The following ABCB10 variants were observed in gnomAD, a reference collection of about 807,000 sequenced individuals.
ABCB10 encodes the protein ATP binding cassette subfamily B member 10.
Under a neutral mutation model 65.4 loss-of-function variants are expected in ABCB10, and 54 were observed. That is an observed-to-expected ratio of 0.83 (90% CI 0.66 to 1.04). The LOEUF (loss-of-function observed/expected upper bound fraction) is 1.04. Among genes scored for constraint, ABCB10 ranks in the 50% least tolerant of loss-of-function variants. ABCB10 has a pLI of 0.00. For synonymous variants in ABCB10, 418 were observed against 406.5 expected (o/e 1.03, Z -0.34); for missense variants, 846 against 976.6 (o/e 0.87, Z 1.78).
At chr1:229,552,522 T>C (rs975987839) in intron 1 of ABCB10, among the ~76,000 whole-genome samples, 2 of 152,128 alleles carry the variant, frequency 1.3e-5, no homozygotes, top group Non-Finnish European at 2.9e-5. Flanking sequence ...GAAACAAATA[T>C]CCTTCAAAAG....
At chr1:229,544,174 G>A (rs999952446) in intron 3 of ABCB10, among the ~76,000 whole-genome samples, 1 of 152,206 alleles carries the variant, frequency 6.6e-6, no homozygotes, top group Non-Finnish European at 1.5e-5. Flanking sequence ...AGCATTTCGG[G>A]AGGCTGAGGC....
rs60323914 is a variant in ABCB10 at position 229,550,525 on chromosome 1, C to CAAAAAAAAAAAAAA, written c.518-1105_518-1092dup. On this transcript the variant is annotated intron_variant, in intron 1 of 12. Transcript: ENST00000344517. ...GGGTGACACAGCAATATGCTGTCTC[C>CAAAAAAAAAAAAAA]AAAAAAAAAAAAAAAAAAAAAAATT... Among the ~76,000 whole-genome samples, 164 of 63,492 alleles carry CAAAAAAAAAAAAAA rather than the reference C, an allele frequency of 2.6e-3. 6 individuals carry two copies. The highest frequency in any genetic ancestry group is 0.011 in the African/African-American group (153 of 13,400). 41.7% of individuals were successfully genotyped at this position (63,492 alleles called of 152,430 possible).
chr1:229,551,896 G>A (rs1663126169), intron 1 of ABCB10, among the ~76,000 whole-genome samples: 3 of 152,110 alleles, frequency 2.0e-5, no homozygotes, highest in African/African-American at 4.8e-5. Flanking sequence ...GAATAATTCC[G>A]AAAGCACAGT....
chr1:229,533,691 T>C (rs767299422), intron 6 of ABCB10, among the ~76,000 whole-genome samples: 38 of 152,300 alleles, frequency 2.5e-4, no homozygotes, highest in South Asian at 2.1e-4. Context: ...AATATACATA[T>C]TATCTTTTTA....
At chr1:229,542,188 C>T in intron 4 of ABCB10, 49 bp downstream of exon 4, 1 of 1,600,892 alleles carries the variant, frequency 6.2e-7, no homozygotes, top group Non-Finnish European at 8.5e-7. Context: ...AGGATCCTGG[C>T]TATGACCCCA....
At chr1:229,554,789 C>G (rs1028872465) in intron 1 of ABCB10, among the ~76,000 whole-genome samples, 3 of 152,224 alleles carry the variant, frequency 2.0e-5, no homozygotes, top group Non-Finnish European at 4.4e-5. Flanking sequence ...CCAGCCCCCA[C>G]AGGGCACTGT....
chr1:229,524,674 A>T (rs1453665929), intron 10 of ABCB10, among the ~76,000 whole-genome samples: 1 of 152,224 alleles, frequency 6.6e-6, no homozygotes, highest in Non-Finnish European at 1.5e-5. Flanking sequence ...GGAATCGCTC[A>T]CTTTGCCTCA....
Position 229,518,184 on chromosome 1 carries a change from C to T in ABCB10, c.2212G>A (p.Ala738Thr). The change falls in exon 13 of 13, where the codon GCA (alanine) becomes ACA (threonine). Residue 738 changes from alanine (A) to threonine (T), a missense_variant. By Grantham distance (58) the Ala-to-Thr change is moderately conservative (BLOSUM62 0). Coordinates refer to ENST00000344517, the MANE Select transcript of ABCB10 (RefSeq NM_012089.3). The stretch of plus-strand genomic sequence containing the variant: ...GTTTACCAGTAATTGCTTCCTTATG[C>T]TGAAATAAAACTTTGTTTGTTCATT... ...KLMNKQSFISA is the reference protein window; with the variant it reads ...KLMNKQSFIST The T allele has an allele frequency of 6.2e-7, 1 of 1,612,738 alleles. No homozygotes were observed. The highest frequency in any genetic ancestry group is 8.5e-7 in the Non-Finnish European group (1 of 1,178,822).
Position 229,516,698 on chromosome 1 carries a change from T to G in ABCB10, c.*1481A>C, listed in dbSNP as rs1044515143. The G allele has an allele frequency of 6.6e-6, 1 of 152,196 alleles. No individual in the cohort carries two copies. Among genetic ancestry groups the G allele is most frequent in the Non-Finnish European group, 1.5e-5 (1 of 68,032 alleles). The allele number at this position is 152,196 out of a possible 1,614,324, so 9.4% of individuals were successfully genotyped here. A position where few individuals can be genotyped will look rare whatever the true frequency, so the allele number is the denominator to read the frequency against. On this transcript the variant is annotated 3_prime_UTR_variant, in exon 13 of 13. Transcript: ENST00000344517. ...AAATGCAATTTCGTAAATACTTCTA[T>G]GGCACAAGGATTATTTTCCTCAGAT...
intron 8 of ABCB10, among the ~76,000 whole-genome samples, chr1:229,529,626 C>T (rs1317985634): frequency 2.5e-4 from 36 of 142,054 alleles, no homozygotes; most frequent in African/African-American, 8.4e-4. Flanking sequence ...GCTGAGATCG[C>T]GCCACTGCAC....
chr1:229,536,491 G>A (rs1571967635), intron 6 of ABCB10, among the ~76,000 whole-genome samples: 1 of 151,726 alleles, frequency 6.6e-6, no homozygotes, highest in African/African-American at 2.4e-5. Context: ...TGGAGACAGA[G>A]TAAGACCCTG....
chr1:229,541,551 G>A (rs912018402), intron 4 of ABCB10, among the ~76,000 whole-genome samples: 8 of 152,172 alleles, frequency 5.3e-5, no homozygotes, highest in South Asian at 2.1e-4. Context: ...AAAAGATAAC[G>A]TTGCACAGCA....
At position 229,558,639 on chromosome 1, in the gene ABCB10, G is replaced by C. The variant is rs1222901631; in HGVS notation, c.14C>G (p.Pro5Arg). Residue 5 changes from proline (P) to arginine (R), a missense_variant, in exon 1 of 13, where the codon CCT becomes CGT. Around this residue, in one of 2 missense-constraint regions of ABCB10, gnomAD observed 214 missense variants for 173.5 expected, o/e 1.23. Coordinates refer to ENST00000344517, the MANE Select transcript of ABCB10 (RefSeq NM_012089.3). ...CTCGAGCAGCCGCAGCGGCCAGGCA[G>C]GGGGGCCTCGCATGGCGCTGCGTGC... is the stretch of plus-strand genomic sequence containing the variant. The part of the protein sequence containing the change: MRGP[P>R]AWPLRLLEPP... 7.3e-7 allele frequency: 1 copy of C among 1,371,664 alleles called. No individual in the cohort carries two copies. Among genetic ancestry groups the C allele is most frequent in the Non-Finnish European group, 9.4e-7 (1 of 1,063,640 alleles). The allele number at this position is 1,371,664 out of a possible 1,614,324, so 85.0% of individuals were successfully genotyped here.
At chr1:229,553,842 T>C (rs79580062) in intron 1 of ABCB10, among the ~76,000 whole-genome samples, 2,429 of 150,610 alleles carry the variant, frequency 0.016, 72 homozygotes, top group African/African-American at 0.058. Flanking sequence ...TGTGCCCAGT[T>C]TCCTCATTTG....
At chr1:229,525,771 G>A (rs1662425477) in intron 10 of ABCB10, among the ~76,000 whole-genome samples, 165 bp downstream of exon 10, 1 of 152,176 alleles carries the variant, frequency 6.6e-6, no homozygotes, top group Non-Finnish European at 1.5e-5. Context: ...GGAGGAGCTT[G>A]CAGAGAGCCG....
At position 229,521,448 on chromosome 1, in the gene ABCB10, C is replaced by T. The variant is rs1255285728; in HGVS notation, c.1950+144G>A. On this transcript the variant is annotated intron_variant, in intron 11 of 12. Transcript: ENST00000344517. ...TATACTACACTAACTTACCTTTCAC[C>T]AGAACTGTCACCCTCCCACTCCAAG... 3 of 885,546 alleles carry T rather than the reference C, an allele frequency of 3.4e-6. No homozygotes were observed. The African/African-American group carries it at 5.1e-5, about 15-fold the overall frequency. 54.9% of individuals were successfully genotyped at this position (885,546 alleles called of 1,614,324 possible).
chr1:229,531,885 T>C (rs1662593628), intron 6 of ABCB10, 154 bp from the exon 7 acceptor site: 1 of 489,328 alleles, frequency 2.0e-6, no homozygotes, highest in Non-Finnish European at 3.6e-6. Context: ...TGGGAACTGA[T>C]ACTCAGAATT....
intron 6 of ABCB10, chr1:229,535,038 T>TAAATAAAAAAAAAAAAAAAAAAAA (rs1662680396): frequency 2.1e-5 from 1 of 47,476 alleles, no homozygotes; most frequent in African/African-American, 7.6e-5. Flanking sequence ...AGACTCCCTT[T>TAAATAAAAAAAAAAAAAAAAAAAA]AAAAAAAAAA....
At chr1:229,529,327 A>AAAAAAAAAAAC (rs1662522682) in intron 8 of ABCB10, among the ~76,000 whole-genome samples, 1 of 137,256 alleles carries the variant, frequency 7.3e-6, no homozygotes, top group Non-Finnish European at 1.6e-5. Flanking sequence ...AAAAAAAAAA[A>AAAAAAAAAAAC]AAGAAAATCC....
Sources: gnomAD v4.1 joint callset for allele counts (sites outside exome capture counted in the v4.1 genomes callset) on GRCh38, gnomAD v4.1.1 for gene constraint, gnomAD v4.1.1 regional missense constraint, MANE v1.5 for transcripts, NCBI Gene and HGNC (gene_info 2026-07-23, HGNC 2026-07-21) for gene names.